Variants in SOX6 observed in about 807,000 individuals in gnomAD.
SOX6 encodes the protein SRY-box transcription factor 6.
SOX6 carries 11 observed loss-of-function variants against 97.8 expected under a neutral mutation model. The observed-to-expected ratio is 0.11, with a 90% CI of 0.07 to 0.19. The LOEUF (loss-of-function observed/expected upper bound fraction) is 0.19, where lower values mean the gene tolerates loss of function less well. Among genes scored for constraint, SOX6 ranks in the 10% least tolerant of loss-of-function variants. SOX6 has a pLI of 1.00. For missense variants in SOX6, 810 were observed against 1,039.5 expected (o/e 0.78, Z 3.04); for synonymous variants, 360 against 371.4 (o/e 0.97, Z 0.35).
intron 4 of SOX6, among the ~76,000 whole-genome samples, chr11:16,538,861 C>T (rs1861355359): frequency 6.6e-6 from 1 of 152,118 alleles, no homozygotes; most frequent in African/African-American, 2.4e-5. Flanking sequence ...CTCAGACTCC[C>T]ACACAACAAT....
At chr11:16,597,554 A>C (rs1848226439) in intron 4 of SOX6, among the ~76,000 whole-genome samples, 1 of 151,974 alleles carries the variant, frequency 6.6e-6, no homozygotes, top group Non-Finnish European at 1.5e-5. Context: ...TTTGGTCTTC[A>C]CACATATAGG....
intron 1 of SOX6, among the ~76,000 whole-genome samples, chr11:16,404,050 A>C (rs893369039): frequency 6.6e-6 from 1 of 151,710 alleles, no homozygotes; most frequent in Non-Finnish European, 1.5e-5. Context: ...ACACACTGTA[A>C]AAGTGTCTTC....
In SOX6 at chr11:16,613,950, T is replaced by TGCGG. The variant is rs1848434861; in HGVS notation, n.430-1694_430-1691dup. Among the ~76,000 whole-genome samples, 1 of 152,046 alleles carries TGCGG rather than the reference T, an allele frequency of 6.6e-6. No individual in the cohort carries two copies. ...AAAGAGAAGCAAAGGGAGGGCGCCC[T>TGCGG]GCGGGCGGGCGGGCCACGCTAGGCG... On this transcript the variant is annotated intron_variant and non_coding_transcript_variant, in intron 3 of 5. Transcript: ENST00000524520. The surrounding 1 kb of genome is among the most constrained non-coding windows in gnomAD (Gnocchi z 4.6).
At chr11:16,730,306 C>T (rs1023918649) in intron 2 of SOX6, among the ~76,000 whole-genome samples, 2 of 152,090 alleles carry the variant, frequency 1.3e-5, no homozygotes, top group African/African-American at 4.8e-5. Context: ...CTTCTCAGTA[C>T]CACATTGCAC....
At position 16,341,166 on chromosome 11, in the gene SOX6, T is replaced by C; in HGVS notation, c.83A>G (p.Glu28Gly). ...ATGTTGATCACTGCCCTCTTCCTTT[T>C]CCCTTGAGGTTAAATCCTGGGTCAT... Reference protein sequence around the residue: ...DAMTQDLTSREKEEGSDQHVA... With the variant: ...DAMTQDLTSRGKEEGSDQHVA... The change falls in exon 2 of 16, where the codon GAA becomes GGA. Residue 28 changes from glutamate to glycine, a missense_variant. By Grantham distance (98) the Glu-to-Gly change is moderately conservative (BLOSUM62 -2). Around this residue, in one of 9 missense-constraint regions of SOX6, gnomAD observed 100 missense variants for 94.6 expected, o/e 1.06. Transcript: ENST00000683767. 6.2e-7 allele frequency: 1 copy of C among 1,613,554 alleles called. No homozygotes were observed. Among genetic ancestry groups the C allele is most frequent in the Non-Finnish European group, 8.5e-7 (1 of 1,179,620 alleles).
intron 1 of SOX6, among the ~76,000 whole-genome samples, chr11:16,429,128 C>T (rs1017200058): frequency 6.6e-6 from 1 of 152,068 alleles, no homozygotes; most frequent in African/African-American, 2.4e-5. Context: ...CAATGAGATA[C>T]CATCTCAGGC....
At chr11:16,410,729 A>T (rs1178684073) in intron 1 of SOX6, among the ~76,000 whole-genome samples, 1 of 144,856 alleles carries the variant, frequency 6.9e-6, no homozygotes, top group African/African-American at 2.6e-5. Flanking sequence ...ACTGCACTCT[A>T]GCCTGGGCAA....
chr11:16,410,133 T>G lies in SOX6; in HGVS notation c.-5+66182A>C, dbSNP rs142400595. Among the ~76,000 whole-genome samples, 612 of 152,152 alleles carry G rather than the reference T, an allele frequency of 4.0e-3. 3 individuals carry two copies. Among genetic ancestry groups the G allele is most frequent in the African/African-American group, 0.014 (590 of 41,432 alleles). On this transcript the variant is annotated intron_variant, in intron 1 of 15. Transcript: ENST00000396356. ...GTTTGATTCTACCATTCCACATGTA[T>G]ACATTTCACATGCATACATATATCA...
intron 3 of SOX6, among the ~76,000 whole-genome samples, chr11:16,651,227 T>A (rs1847647152): frequency 1.3e-5 from 2 of 151,670 alleles, no homozygotes; most frequent in African/African-American, 4.8e-5. Flanking sequence ...CCGAAACTAT[T>A]CCCAAAAAAA....
At chr11:16,473,913 T>C (rs1218139930) in intron 1 of SOX6, among the ~76,000 whole-genome samples, 5 of 152,236 alleles carry the variant, frequency 3.3e-5, no homozygotes, top group African/African-American at 1.2e-4. Flanking sequence ...CAGAACATCA[T>C]TCAAAGTTGG....
intron 3 of SOX6, among the ~76,000 whole-genome samples, chr11:16,672,613 A>G (rs1847855325): frequency 1.3e-5 from 2 of 152,208 alleles, no homozygotes; most frequent in Non-Finnish European, 2.9e-5. Context: ...AGTCACTATC[A>G]GCACACAAAA....
intron 9 of SOX6, among the ~76,000 whole-genome samples, chr11:16,089,601 T>G: frequency 6.6e-6 from 1 of 152,098 alleles, no homozygotes; most frequent in East Asian, 1.9e-4. Flanking sequence ...GTTTAAATCA[T>G]CATAAATTTT....
At chr11:16,599,443 C>T (rs1222148347) in intron 4 of SOX6, among the ~76,000 whole-genome samples, 2 of 152,096 alleles carry the variant, frequency 1.3e-5, no homozygotes, top group South Asian at 2.1e-4. Flanking sequence ...TAGTTACAGT[C>T]TAAAATATTA....
intron 12 of SOX6, among the ~76,000 whole-genome samples, chr11:16,043,737 C>T (rs1855745516): frequency 6.6e-6 from 1 of 152,178 alleles, no homozygotes. Context: ...ACAGATCCCC[C>T]CCTGCTTCAG....
intron 3 of SOX6, among the ~76,000 whole-genome samples, chr11:16,661,028 T>C (rs1373360360): frequency 6.6e-6 from 1 of 152,240 alleles, no homozygotes; most frequent in African/African-American, 2.4e-5. Flanking sequence ...TGAACCTGTC[T>C]TTTACTGATA....
At chr11:15,983,427 G>A (rs1004045380) in intron 15 of SOX6, among the ~76,000 whole-genome samples, 2 of 152,068 alleles carry the variant, frequency 1.3e-5, no homozygotes, top group African/African-American at 2.4e-5. Context: ...ATGTTGAGCA[G>A]TATATGCACT....
intron 9 of SOX6, among the ~76,000 whole-genome samples, chr11:16,062,352 G>T (rs1847979814): frequency 6.6e-6 from 1 of 151,546 alleles, no homozygotes; most frequent in Admixed American, 6.6e-5. Flanking sequence ...GAACAGAAAA[G>T]GTTAAATTCT....
intron 1 of SOX6, among the ~76,000 whole-genome samples, chr11:16,470,306 C>T (rs1012469819): frequency 1.3e-5 from 2 of 152,020 alleles, no homozygotes; most frequent in African/African-American, 2.4e-5. Flanking sequence ...TTAAAGATAA[C>T]GCACTTAGAC....
intron 3 of SOX6, among the ~76,000 whole-genome samples, chr11:16,297,564 A>G (rs1473083845): frequency 1.3e-5 from 2 of 152,152 alleles, no homozygotes; most frequent in Admixed American, 6.6e-5. Flanking sequence ...GCTTTTGATC[A>G]TGTGTCCTAA....
Sources: gnomAD v4.1 joint callset for allele counts (sites outside exome capture counted in the v4.1 genomes callset) on GRCh38, gnomAD v4.1.1 for gene constraint, gnomAD v4.1.1 regional missense constraint, Gnocchi (gnomAD v3.1) non-coding constraint, MANE v1.5 for transcripts, NCBI Gene and HGNC (gene_info 2026-07-23, HGNC 2026-07-21) for gene names.